Variants in FGF9 observed in about 807,000 individuals in gnomAD.
FGF9 encodes the protein fibroblast growth factor 9 (glia-activating factor).
In FGF9, 3 loss-of-function variants were observed where a neutral mutation model predicts 19.9. The ratio of observed to expected loss-of-function variants is 0.15; its 90% confidence interval spans 0.07 to 0.39. The LOEUF is 0.39. Ranked by LOEUF, FGF9 falls within the 10% of genes least tolerant of loss-of-function variation. FGF9 has a pLI of 1.00. For missense variants in FGF9, 175 were observed against 256.8 expected (o/e 0.68, Z 2.18); for synonymous variants, 107 against 106.9 (o/e 1.00, Z -0.01).
intron 1 of FGF9, among the ~76,000 whole-genome samples, chr13:21,675,495 C>A (rs1871892598): frequency 6.6e-6 from 1 of 151,802 alleles, no homozygotes; most frequent in South Asian, 2.1e-4. Flanking sequence ...GGCACAGGCG[C>A]CGGGAGGGGG....
At chr13:21,677,859 G>A (rs189865136) in intron 1 of FGF9, among the ~76,000 whole-genome samples, 4 of 152,226 alleles carry the variant, frequency 2.6e-5, no homozygotes, top group Non-Finnish European at 5.9e-5. Flanking sequence ...GTTCCTTCTC[G>A]CTTGGATAGC....
intron 2 of FGF9, among the ~76,000 whole-genome samples, chr13:21,681,600 A>AT (rs1872044354): frequency 6.6e-6 from 1 of 152,220 alleles, no homozygotes. Context: ...GTTGTCAGAT[A>AT]TTTTTGTACG....
rs541908659 is a variant in FGF9, at chr13:21,672,388, A to C, written c.277+199A>C. ...CCGGAATTGCAGATCTGCTGCTGGC[A>C]CTGATGCAAGTATACACTGAAAGGC... On this transcript the variant is annotated intron_variant, in intron 1 of 2. Coordinates refer to ENST00000382353, the MANE Select transcript of FGF9 (RefSeq NM_002010.3). This position sits in a 1 kb window ranked among gnomAD's most constrained non-coding sequence, Gnocchi z 4.2. Among the ~76,000 whole-genome samples the C allele has an allele frequency of 6.6e-6, 1 of 152,122 alleles. No individual in the cohort carries two copies. Among genetic ancestry groups the C allele is most frequent in the African/African-American group, 2.4e-5 (1 of 41,490 alleles).
intron 2 of FGF9, among the ~76,000 whole-genome samples, chr13:21,696,990 G>C (rs1872424191): frequency 6.6e-6 from 1 of 152,130 alleles, no homozygotes; most frequent in African/African-American, 2.4e-5. Context: ...GGCATAATTG[G>C]TGTAATTGCA....
chr13:21,684,388 G>C (rs908218547), intron 2 of FGF9, among the ~76,000 whole-genome samples: 1 of 151,950 alleles, frequency 6.6e-6, no homozygotes, highest in Non-Finnish European at 1.5e-5. Context: ...GTAGGTGCTC[G>C]ATGAACGCTC....
chr13:21,679,956 CAA>C (rs551705351), intron 1 of FGF9, among the ~76,000 whole-genome samples: 14 of 56,728 alleles, frequency 2.5e-4, no homozygotes, highest in African/African-American at 3.7e-4. Context: ...GACTCCATCT[CAA>C]AAAAAAAAAA....
rs1215232530 is a variant in FGF9 at position 21,702,761 on chromosome 13, G to C, written c.*1326G>C. On this transcript the variant is annotated 3_prime_UTR_variant, in exon 3 of 3. Transcript: ENST00000382353. ...CATCTTTTAGAGAAAATGGCTATCA[G>C]TGTGAACTGTCATAATTACGTGGTA... 6.6e-6 allele frequency: 1 copy of C among 152,176 alleles called. No individual in the cohort carries two copies. The highest frequency in any genetic ancestry group is 6.5e-5 in the Admixed American group (1 of 15,282). The allele number at this position is 152,176 out of a possible 1,614,324, so 9.4% of individuals were successfully genotyped here.
intron 1 of FGF9, among the ~76,000 whole-genome samples, chr13:21,680,469 T>C (rs2138133477): frequency 6.6e-6 from 1 of 151,856 alleles, no homozygotes; most frequent in African/African-American, 2.4e-5. Flanking sequence ...TTTTTTTTGC[T>C]ACTTAAACAG....
At chr13:21,682,611 T>C (rs1018650028) in intron 2 of FGF9, among the ~76,000 whole-genome samples, 1 of 152,008 alleles carries the variant, frequency 6.6e-6, no homozygotes, top group African/African-American at 2.4e-5. Flanking sequence ...GTGAATACCT[T>C]TAAGTGTGAA....
chr13:21,700,926 T>C (rs1872524060), intron 2 of FGF9, among the ~76,000 whole-genome samples: 1 of 152,358 alleles, frequency 6.6e-6, no homozygotes, highest in East Asian at 1.9e-4. Flanking sequence ...ATCAGTGTTT[T>C]CTCATGGGGG....
chr13:21,673,037 TG>T (rs1871806546), intron 1 of FGF9, among the ~76,000 whole-genome samples: 1 of 152,200 alleles, frequency 6.6e-6, no homozygotes, highest in South Asian at 2.1e-4. Flanking sequence ...CGAGGGCTGG[TG>T]GCTCTGCCCA....
rs564428153 is a variant in FGF9 at position 21,701,955 on chromosome 13, G to C, written c.*520G>C. On this transcript the variant is annotated 3_prime_UTR_variant, in exon 3 of 3. Coordinates refer to ENST00000382353, the MANE Select transcript of FGF9 (RefSeq NM_002010.3). ...TCAGTTAATTCTCACTGGTATCATC[G>C]CAGTGAACTTAAAGCAAAGACCTCT... 1.3e-5 allele frequency: 2 copies of C among 151,262 alleles called. No individual in the cohort carries two copies. The highest frequency in any genetic ancestry group is 2.9e-5 in the Non-Finnish European group (2 of 67,928). 9.4% of individuals were successfully genotyped at this position (151,262 alleles called of 1,614,324 possible).
chr13:21,700,351 G>C (rs1244858606), intron 2 of FGF9, among the ~76,000 whole-genome samples: 4 of 152,160 alleles, frequency 2.6e-5, no homozygotes, highest in Non-Finnish European at 5.9e-5. Context: ...GTTTTAAAAT[G>C]TAGACTGAGA....
chr13:21,676,794 A>T (rs1339750919), intron 1 of FGF9, among the ~76,000 whole-genome samples: 1 of 152,208 alleles, frequency 6.6e-6, no homozygotes, highest in Admixed American at 6.5e-5. Context: ...TGAGGGCCAG[A>T]GTGGAGCAGC....
chr13:21,700,494 A>T (rs1444361745), intron 2 of FGF9, among the ~76,000 whole-genome samples: 1 of 152,240 alleles, frequency 6.6e-6, no homozygotes, highest in African/African-American at 2.4e-5. Context: ...TGATTCTGCT[A>T]TACACGGAAT....
In FGF9 at chr13:21,703,300, T is replaced by C. The variant is rs1872588133; in HGVS notation, c.*1865T>C. 1 of 152,240 alleles carries C rather than the reference T, an allele frequency of 6.6e-6. No homozygotes were observed. Among genetic ancestry groups the C allele is most frequent in the Admixed American group, 6.5e-5 (1 of 15,290 alleles). 9.4% of individuals were successfully genotyped at this position (152,240 alleles called of 1,614,324 possible). On this transcript the variant is annotated 3_prime_UTR_variant, in exon 3 of 3. Transcript: ENST00000382353. ...TGTCACTGGTGAGTGACAGCTGTTA[T>C]GAGCTAGAAGCGCATGACTTATTGT... is the stretch of plus-strand genomic sequence containing the variant.
chr13:21,701,277 G>A lies in FGF9; in HGVS notation c.469G>A (p.Asp157Asn). ...TYSSNLYKHV[D>N]TGRRYYVALN... Reference sequence around the variant, plus strand: ...CTCATCAAACCTATATAAGCACGTGGACACTGGAAGGCGATACTATGTTGC... The same window carrying A: ...CTCATCAAACCTATATAAGCACGTGAACACTGGAAGGCGATACTATGTTGC... Residue 157 changes from aspartate to asparagine, a missense_variant, in exon 3 of 3, where the codon GAC (aspartate) becomes AAC (asparagine). Physicochemically the swap from Asp to Asn is conservative, Grantham distance 23 (BLOSUM62 1). Coordinates refer to ENST00000382353, the MANE Select transcript of FGF9 (RefSeq NM_002010.3). 6.2e-7 allele frequency: 1 copy of A among 1,613,922 alleles called. No individual in the cohort carries two copies. The highest frequency in any genetic ancestry group is 1.1e-5 in the South Asian group (1 of 91,038).
At chr13:21,677,995 C>A (rs1217432996) in intron 1 of FGF9, among the ~76,000 whole-genome samples, 2 of 152,188 alleles carry the variant, frequency 1.3e-5, no homozygotes, top group Non-Finnish European at 2.9e-5. Flanking sequence ...ACTGCATTTG[C>A]CACACTGTTG....
intron 2 of FGF9, among the ~76,000 whole-genome samples, chr13:21,692,118 G>A (rs1015164752): frequency 6.6e-5 from 10 of 152,014 alleles, no homozygotes; most frequent in Non-Finnish European, 1.3e-4. Flanking sequence ...CTGTCCCCAT[G>A]GTACATAGCG....
Sources: allele counts gnomAD v4.1 joint callset (sites outside exome capture counted in the v4.1 genomes callset), GRCh38; gene constraint gnomAD v4.1.1; non-coding constraint Gnocchi (gnomAD v3.1); transcripts MANE v1.5; gene names NCBI Gene and HGNC (gene_info 2026-07-23, HGNC 2026-07-21).